The following BIRC6 variants were observed in gnomAD, a reference collection of about 807,000 sequenced individuals.
BIRC6 encodes dual E2 ubiquitin-conjugating enzyme/E3 ubiquitin-protein ligase BIRC6.
BIRC6 carries 98 observed loss-of-function variants against 503.3 expected under a neutral mutation model. That is an observed-to-expected ratio of 0.19 (90% CI 0.17 to 0.23). The LOEUF (loss-of-function observed/expected upper bound fraction) is 0.23, where lower values mean the gene tolerates loss of function less well. Among genes scored for constraint, BIRC6 ranks in the 10% least tolerant of loss-of-function variants. The pLI is 1.00. For missense variants in BIRC6, 5,360 were observed against 5,806.0 expected (o/e 0.92, Z 2.50); for synonymous variants, 2,240 against 2,078.7 (o/e 1.08, Z -2.11).
intron 49 of BIRC6, among the ~76,000 whole-genome samples, chr2:32,503,975 C>T (rs1179492783): frequency 3.0e-5 from 4 of 131,860 alleles, no homozygotes; most frequent in African/African-American, 1.2e-4. Flanking sequence ...CCTCAGCCTC[C>T]TGAGTAGCTG....
intron 41 of BIRC6, 52 bp downstream of exon 41, chr2:32,487,853 A>T: frequency 6.8e-7 from 1 of 1,477,790 alleles, no homozygotes. Flanking sequence ...TTAGCCTGGT[A>T]AAAGATGAAA....
Position 32,487,724 on chromosome 2 carries a change from A to T in BIRC6, c.7891A>T (p.Ile2631Leu). The change falls in exon 41 of 74, where the codon ATA (isoleucine) becomes TTA (leucine). Residue 2631 changes from isoleucine (I) to leucine (L), a missense_variant. Coordinates refer to ENST00000421745, the MANE Select transcript of BIRC6 (RefSeq NM_016252.4). ...QAANQTSQLI[I>L]QLSSVPMLNV... ...AGCAAACCAAACCAGCCAGCTTATT[A>T]TACAGTTATCATCTGTCCCAATGTT... 2 of 1,613,612 alleles carry T rather than the reference A, an allele frequency of 1.2e-6. No homozygotes were observed. Among genetic ancestry groups the T allele is most frequent in the Non-Finnish European group, 1.7e-6 (2 of 1,179,618 alleles).
chr2:32,439,747 A>T, intron 16 of BIRC6, 61 bp downstream of exon 16: 1 of 1,463,110 alleles, frequency 6.8e-7, no homozygotes, highest in Non-Finnish European at 9.4e-7. Context: ...ATCAGATTTA[A>T]CACACTATTA....
intron 68 of BIRC6, among the ~76,000 whole-genome samples, chr2:32,596,852 A>G (rs2061710178): frequency 6.6e-6 from 1 of 152,222 alleles, no homozygotes; most frequent in Admixed American, 6.5e-5. Context: ...CATTTCATGT[A>G]TATGAATGTG....
At chr2:32,535,150 C>CAAAAAAAAAAAAA (rs1158856665) in intron 61 of BIRC6, among the ~76,000 whole-genome samples, 5 of 7,276 alleles carry the variant, frequency 6.9e-4, no homozygotes, top group African/African-American at 8.6e-4. Flanking sequence ...CCCAAAAAAG[C>CAAAAAAAAAAAAA]AAAAAAAAAA....
chr2:32,608,284 GAA>G (rs554574596), intron 72 of BIRC6, among the ~76,000 whole-genome samples: 1 of 126,582 alleles, frequency 7.9e-6, no homozygotes, highest in African/African-American at 2.9e-5. Flanking sequence ...CAGAGTCTCA[GAA>G]AAAAAAAAAA....
At chr2:32,455,107 G>A (rs965963958) in intron 23 of BIRC6, among the ~76,000 whole-genome samples, 2 of 151,990 alleles carry the variant, frequency 1.3e-5, no homozygotes, top group African/African-American at 2.4e-5. Context: ...GGCCTGGCGC[G>A]GTGGCTCATG....
At chr2:32,562,188 T>C (rs984574237) in intron 65 of BIRC6, among the ~76,000 whole-genome samples, 3 of 152,216 alleles carry the variant, frequency 2.0e-5, no homozygotes, top group Non-Finnish European at 4.4e-5. Context: ...TATTCATGTA[T>C]GGAGAAGAAG....
chr2:32,514,968 T>C (rs1335441122), intron 54 of BIRC6, 22 bp from the exon 55 acceptor site: 5 of 1,523,752 alleles, frequency 3.3e-6, no homozygotes, highest in African/African-American at 1.4e-5. Context: ...GTATCATTAA[T>C]ATGATATCTT....
chr2:32,370,422 A>T (rs187062902), intron 1 of BIRC6, among the ~76,000 whole-genome samples: 5 of 152,270 alleles, frequency 3.3e-5, no homozygotes, highest in Admixed American at 2.0e-4. Context: ...TTCTGTGCTT[A>T]AGTAGATGTT....
At chr2:32,522,585 A>C (rs2149830225) in intron 57 of BIRC6, 1 of 152,264 alleles carries the variant, frequency 6.6e-6, no homozygotes, top group East Asian at 1.9e-4. Flanking sequence ...TTAAATATGT[A>C]CCTCATTAGA....
At chr2:32,408,584 G>C (rs1038888123) in intron 9 of BIRC6, among the ~76,000 whole-genome samples, 2 of 152,074 alleles carry the variant, frequency 1.3e-5, no homozygotes, top group African/African-American at 4.8e-5. Flanking sequence ...AAGGATCTCA[G>C]TACATGTTTT....
At chr2:32,465,430 T>G (rs554571483) in intron 26 of BIRC6, among the ~76,000 whole-genome samples, 16 of 152,188 alleles carry the variant, frequency 1.1e-4, no homozygotes, top group Middle Eastern at 6.8e-3. Context: ...ATAAATAATT[T>G]ATTGTAGTTG....
intron 61 of BIRC6, among the ~76,000 whole-genome samples, chr2:32,541,657 C>A (rs1021924158): frequency 2.6e-5 from 4 of 152,070 alleles, no homozygotes; most frequent in Non-Finnish European, 5.9e-5. Flanking sequence ...GAGTGTGGAA[C>A]TTCAAATTAG....
At chr2:32,531,006 T>A (rs1218817109) in intron 60 of BIRC6, among the ~76,000 whole-genome samples, 2 of 152,218 alleles carry the variant, frequency 1.3e-5, no homozygotes, top group Non-Finnish European at 2.9e-5. Context: ...AGGATATACG[T>A]TAAAGTATGC....
intron 70 of BIRC6, among the ~76,000 whole-genome samples, chr2:32,601,287 C>T (rs115662578): frequency 0.017 from 2,556 of 152,292 alleles, 51 homozygotes; most frequent in African/African-American, 0.059. Context: ...TCTGCATTTA[C>T]GAGAACCACC....
intron 65 of BIRC6, among the ~76,000 whole-genome samples, chr2:32,551,039 G>A (rs1307396115): frequency 1.3e-5 from 2 of 151,850 alleles, no homozygotes; most frequent in Non-Finnish European, 2.9e-5. Flanking sequence ...TGATATATTT[G>A]GATGTGGTAA....
intron 9 of BIRC6, among the ~76,000 whole-genome samples, chr2:32,407,078 AC>A (rs1335779892): frequency 1.3e-5 from 2 of 152,118 alleles, no homozygotes; most frequent in Non-Finnish European, 2.9e-5. Flanking sequence ...TTAAATCCTA[AC>A]TCTTCTACTT....
At chr2:32,392,291 T>A (rs2039328654) in intron 5 of BIRC6, 141 bp downstream of exon 5, 1 of 616,268 alleles carries the variant, frequency 1.6e-6, no homozygotes. Flanking sequence ...CTTGTTTTTT[T>A]GGCCCAGGCT....
Sources: allele counts gnomAD v4.1 joint callset (sites outside exome capture counted in the v4.1 genomes callset), GRCh38; gene constraint gnomAD v4.1.1; transcripts MANE v1.5; gene names NCBI Gene and HGNC (gene_info 2026-07-23, HGNC 2026-07-21).